Variants in ADGRL3 observed in about 807,000 individuals in gnomAD.
ADGRL3 encodes the protein adhesion G protein-coupled receptor L3, also known as calcium-independent alpha-latrotoxin receptor 3.
A neutral mutation model predicts 153.5 loss-of-function variants in ADGRL3; 62 were observed. The ratio of observed to expected loss-of-function variants is 0.40; its 90% CI spans 0.33 to 0.50. The LOEUF is 0.50. Among genes scored for constraint, ADGRL3 ranks in the 20% least tolerant of loss-of-function variants. The pLI is 0.47. For missense variants in ADGRL3, 1,641 were observed against 1,859.4 expected (o/e 0.88, Z 2.16); for synonymous variants, 710 against 672.5 (o/e 1.06, Z -0.86).
intron 1 of ADGRL3, among the ~76,000 whole-genome samples, chr4:61,327,530 T>C (rs1052020330): frequency 1.3e-5 from 2 of 151,858 alleles, no homozygotes. Flanking sequence ...CCATAAAGTA[T>C]CGTCTAATCA....
At chr4:61,408,804 T>C (rs981016765) in intron 2 of ADGRL3, among the ~76,000 whole-genome samples, 7 of 151,796 alleles carry the variant, frequency 4.6e-5, no homozygotes, top group Admixed American at 4.6e-4. Context: ...ACACTGAGTT[T>C]GGATGATGCT....
At chr4:61,280,469 T>C (rs912293293) in intron 1 of ADGRL3, among the ~76,000 whole-genome samples, 12 of 152,244 alleles carry the variant, frequency 7.9e-5, no homozygotes, top group African/African-American at 2.9e-4. Flanking sequence ...GTGTTACTTC[T>C]TCTCCCTAAC....
intron 5 of ADGRL3, among the ~76,000 whole-genome samples, chr4:61,640,567 A>G (rs541090153): frequency 6.6e-6 from 1 of 152,180 alleles, no homozygotes; most frequent in Non-Finnish European, 1.5e-5. Context: ...TCTCTGTGGA[A>G]TAGTTCTATG....
chr4:61,890,123 A>G (rs538024073), intron 9 of ADGRL3, among the ~76,000 whole-genome samples: 3 of 152,342 alleles, frequency 2.0e-5, no homozygotes, highest in Non-Finnish European at 4.4e-5. Context: ...CCATTTTTAC[A>G]TGATCAAACT....
intron 11 of ADGRL3, among the ~76,000 whole-genome samples, chr4:61,903,630 C>T (rs1388257763): frequency 1.4e-4 from 16 of 113,244 alleles, no homozygotes; most frequent in African/African-American, 5.2e-4. Context: ...TCTGCTGCTG[C>T]ACTCCAGCTT....
At chr4:61,458,931 A>G (rs960753138) in intron 2 of ADGRL3, among the ~76,000 whole-genome samples, 2 of 151,508 alleles carry the variant, frequency 1.3e-5, no homozygotes, top group African/African-American at 4.8e-5. Context: ...CATTTAACAC[A>G]TTTAAAATAT....
chr4:61,308,959 C>A (rs1008944120), intron 1 of ADGRL3, among the ~76,000 whole-genome samples: 16 of 152,130 alleles, frequency 1.1e-4, no homozygotes, highest in African/African-American at 3.6e-4. Context: ...TTCATTTTTT[C>A]TTTCTTTACA....
intron 9 of ADGRL3, among the ~76,000 whole-genome samples, chr4:61,872,854 C>T (rs2098453820): frequency 6.6e-6 from 1 of 152,006 alleles, no homozygotes; most frequent in African/African-American, 2.4e-5. Context: ...ATTATTTAGG[C>T]CAAAAATTGT....
At chr4:62,015,261 T>C (rs1475426903) in intron 21 of ADGRL3, among the ~76,000 whole-genome samples, 1 of 152,212 alleles carries the variant, frequency 6.6e-6, no homozygotes. Flanking sequence ...CTTTTATAAA[T>C]GTGCTACTTT....
intron 1 of ADGRL3, among the ~76,000 whole-genome samples, chr4:61,240,167 T>A (rs1754361404): frequency 6.6e-6 from 1 of 152,090 alleles, no homozygotes; most frequent in Admixed American, 6.6e-5. Flanking sequence ...GCTGCATCCT[T>A]GCATGGCAGA....
intron 2 of ADGRL3, among the ~76,000 whole-genome samples, chr4:61,442,423 A>G (rs2097537251): frequency 6.6e-6 from 1 of 152,172 alleles, no homozygotes; most frequent in South Asian, 2.1e-4. Flanking sequence ...GAGCCATTCG[A>G]TTATTGCAAG....
At chr4:61,240,525 A>C (rs780651830) in intron 1 of ADGRL3, among the ~76,000 whole-genome samples, 4 of 152,184 alleles carry the variant, frequency 2.6e-5, no homozygotes, top group Non-Finnish European at 5.9e-5. Flanking sequence ...GAGCCTAAAC[A>C]TCTATGAAAC....
At chr4:61,539,244 A>G (rs759072977) in intron 4 of ADGRL3, among the ~76,000 whole-genome samples, 1 of 152,250 alleles carries the variant, frequency 6.6e-6, no homozygotes, top group Non-Finnish European at 1.5e-5. Context: ...CAAAATGCAC[A>G]GAGTGGCTGT....
At chr4:61,642,795 T>C (rs1370462050) in intron 5 of ADGRL3, among the ~76,000 whole-genome samples, 2 of 151,906 alleles carry the variant, frequency 1.3e-5, no homozygotes, top group African/African-American at 4.9e-5. Context: ...CCATATGAAC[T>C]TTAAAGTAGT....
chr4:61,292,111 G>A (rs1340100193), intron 1 of ADGRL3, among the ~76,000 whole-genome samples: 1 of 151,710 alleles, frequency 6.6e-6, no homozygotes, highest in Non-Finnish European at 1.5e-5. Context: ...AGGGTCAAAA[G>A]TATACAGCAA....
At chr4:62,043,500 A>G (rs1729498201) in intron 24 of ADGRL3, among the ~76,000 whole-genome samples, 2 of 152,110 alleles carry the variant, frequency 1.3e-5, no homozygotes, top group East Asian at 3.8e-4. Context: ...ATGTTCCAAG[A>G]TTCATAAAAT....
chr4:61,271,002 A>C (rs569426998), intron 1 of ADGRL3, among the ~76,000 whole-genome samples: 1 of 151,882 alleles, frequency 6.6e-6, no homozygotes, highest in East Asian at 1.9e-4. Context: ...AGCCTCCTAT[A>C]TGAGAGGCAT....
Position 62,071,214 on chromosome 4 carries a change from G to A in ADGRL3, c.*306G>A. 4.0e-6 allele frequency: 1 copy of A among 250,568 alleles called. No homozygotes were observed. Among genetic ancestry groups the A allele is most frequent in the Admixed American group, 4.9e-5 (1 of 20,432 alleles). 15.5% of individuals were successfully genotyped at this position (250,568 alleles called of 1,614,324 possible). A position where few individuals can be genotyped will look rare whatever the true frequency, so the allele number is the denominator to read the frequency against. ...ACTCATTGTGGCCTTGTTGAATTATGTTGTGTATGTTTTAACATCTCTGAT... is the reference window on the plus strand; with the variant it reads ...ACTCATTGTGGCCTTGTTGAATTATATTGTGTATGTTTTAACATCTCTGAT... On this transcript the variant is annotated 3_prime_UTR_variant, in exon 27 of 27. Transcript: ENST00000683033.
chr4:61,969,350 C>A (rs764519627), intron 17 of ADGRL3, among the ~76,000 whole-genome samples: 1 of 152,074 alleles, frequency 6.6e-6, no homozygotes, highest in Non-Finnish European at 1.5e-5. Flanking sequence ...TTGCCTGTCT[C>A]ATCCTAAACT....
Sources: allele counts gnomAD v4.1 joint callset (sites outside exome capture counted in the v4.1 genomes callset), GRCh38; gene constraint gnomAD v4.1.1; transcripts MANE v1.5; gene names NCBI Gene and HGNC (gene_info 2026-07-23, HGNC 2026-07-21).